Variants in DEPDC5 observed in about 807,000 individuals in gnomAD.
The protein encoded by DEPDC5 is DEP domain containing 5, GATOR1 subcomplex subunit, also known as GATOR1 complex protein DEPDC5.
In DEPDC5, 73 loss-of-function variants were observed where a neutral mutation model predicts 217.3. The observed-to-expected ratio is 0.34, with a 90% CI of 0.28 to 0.41. DEPDC5 has a LOEUF of 0.41. DEPDC5 is among the 10% of genes least tolerant of loss of function. The probability of loss-of-function intolerance (pLI) is 1.00; values close to 1 mark genes in which losing one functional copy is unlikely to be tolerated. For missense variants in DEPDC5, 1,675 were observed against 2,070.1 expected, an observed-to-expected ratio of 0.81 and a Z score of 3.70; for synonymous variants, 733 against 756.7, an observed-to-expected ratio of 0.97 and a Z score of 0.51.
chr22:31,755,116 A>G, intron 2 of DEPDC5, 137 bp downstream of exon 2: 2 of 907,734 alleles, frequency 2.2e-6, no homozygotes, highest in Non-Finnish European at 1.7e-6. Flanking sequence ...AGCAACTGTC[A>G]TACAGTAACA....
intron 39 of DEPDC5, among the ~76,000 whole-genome samples, chr22:31,896,591 C>T (rs1016982946): frequency 4.0e-5 from 6 of 151,850 alleles, no homozygotes; most frequent in Non-Finnish European, 8.8e-5. Context: ...AAAATTGCCA[C>T]TGTTCCCTAA....
intron 40 of DEPDC5, among the ~76,000 whole-genome samples, chr22:31,898,220 C>T (rs1460273771): frequency 2.0e-5 from 3 of 151,966 alleles, no homozygotes. Flanking sequence ...CAAATCAGAG[C>T]CTTTCCCTCT....
At chr22:31,831,146 T>C (rs562608307) in intron 24 of DEPDC5, 2 of 152,138 alleles carry the variant, frequency 1.3e-5, no homozygotes, top group South Asian at 2.1e-4. Flanking sequence ...CCCAGATGGA[T>C]AGTCAAGAAA....
chr22:31,797,144 C>T (rs1159311407), intron 12 of DEPDC5, among the ~76,000 whole-genome samples: 2 of 151,890 alleles, frequency 1.3e-5, no homozygotes, highest in South Asian at 2.1e-4. Flanking sequence ...ACTCCAATTA[C>T]ACTCTTTTTG....
chr22:31,822,731 TC>T lies in DEPDC5; in HGVS notation c.2046del (p.Leu683Ter). On this transcript the variant is annotated frameshift_variant, in exon 24 of 43. Transcript: ENST00000651528. LOFTEE classifies it high-confidence loss of function. Reference sequence around the variant, plus strand: ...CGCCAGCCTGGTGACGGCATGTCCTTCTTGAACTTCAGTGGAACAGAGGAGC... The same window carrying T: ...CGCCAGCCTGGTGACGGCATGTCCTTTTGAACTTCAGTGGAACAGAGGAGC... ...NSRQPGDGMS[F>X]LNFSGTEELS... 6.2e-7 allele frequency: 1 copy of T among 1,614,144 alleles called. No homozygotes were observed. The highest frequency in any genetic ancestry group is 8.5e-7 in the Non-Finnish European group (1 of 1,180,014).
chr22:31,817,376 C>T lies in DEPDC5; in HGVS notation c.1667-1646C>T, dbSNP rs9621343. The T allele has an allele frequency of 5.7e-3, 2,158 of 378,238 alleles. 47 individuals carry two copies. The highest frequency in any genetic ancestry group is 0.041 in the African/African-American group (1,919 of 47,020). 23.4% of individuals were successfully genotyped at this position (378,238 alleles called of 1,614,324 possible). A position where few individuals can be genotyped will look rare whatever the true frequency, so the allele number is the denominator to read the frequency against. On this transcript the variant is annotated intron_variant, in intron 21 of 42. Coordinates refer to ENST00000651528, the MANE Select transcript of DEPDC5 (RefSeq NM_001242896.3). ...CTGCCCACCTCAGCCTCCCAAAGTG[C>T]TGGGATTACGGGCGTGAGCCACCTT...
chr22:31,786,322 A>T (rs2084978317), intron 10 of DEPDC5, among the ~76,000 whole-genome samples: 1 of 149,554 alleles, frequency 6.7e-6, no homozygotes, highest in African/African-American at 2.5e-5. Flanking sequence ...TGGGAGGCGG[A>T]GGTGGGCAGA....
intron 2 of DEPDC5, 63 bp from the exon 3 acceptor site, chr22:31,758,483 A>G (rs1569506796): frequency 6.8e-7 from 1 of 1,460,368 alleles, no homozygotes; most frequent in Non-Finnish European, 9.6e-7. Context: ...AGGAACCAGT[A>G]TGAGAACATA....
At chr22:31,756,304 A>G (rs949987672) in intron 2 of DEPDC5, among the ~76,000 whole-genome samples, 2 of 152,212 alleles carry the variant, frequency 1.3e-5, no homozygotes, top group Admixed American at 1.3e-4. Flanking sequence ...GAGCATTGTG[A>G]GGCTTAAGTA....
chr22:31,874,251 C>A, intron 35 of DEPDC5, 22 bp from the exon 36 acceptor site: 1 of 1,599,944 alleles, frequency 6.3e-7, no homozygotes, highest in East Asian at 2.3e-5. Flanking sequence ...CCCTGCTCCC[C>A]GTTCACCGTG....
At position 31,906,224 on chromosome 22, in the gene DEPDC5, GC is replaced by G; in HGVS notation, c.4542del (p.Tyr1515ThrfsTer59). ...HVTGTVFLQL[P>X]YSKRKFSGQQ... The stretch of plus-strand genomic sequence containing the variant: ...CTTCAGGAACAGTGTTTCTGCAGCT[GC>G]CCTACTCCAAGCGCAAGTTCTCAGG... On this transcript the variant is annotated frameshift_variant, in exon 43 of 43. Transcript: ENST00000651528. LOFTEE classifies it high-confidence loss of function. This position sits in a 1 kb window ranked among gnomAD's most constrained non-coding sequence, Gnocchi z 5.1. The G allele has an allele frequency of 6.2e-7, 1 of 1,613,936 alleles. No homozygotes were observed. The highest frequency in any genetic ancestry group is 8.5e-7 in the Non-Finnish European group (1 of 1,179,950).
intron 33 of DEPDC5, among the ~76,000 whole-genome samples, chr22:31,868,135 AT>A (rs1166092733): frequency 2.6e-5 from 4 of 152,094 alleles, no homozygotes; most frequent in African/African-American, 9.7e-5. Flanking sequence ...CCTTTTTATT[AT>A]TATTGTTATT....
Position 31,843,693 on chromosome 22 carries a change from T to G in DEPDC5, c.2682T>G (p.Pro894=). 1 of 1,613,982 alleles carries G rather than the reference T, an allele frequency of 6.2e-7. No individual in the cohort carries two copies. Residue 894 remains proline, a synonymous_variant, in exon 29 of 43, where the codon CCT becomes CCG. Transcript: ENST00000651528. ...TCCACTACACCTACAGCCTCTGTCC[T>G]TCCCACTCAGACTCAGAGTTCGTCT... The part of the protein sequence containing the change: ...AQIHYTYSLC[P]SHSDSEFVSC...
chr22:31,823,091 G>A (rs900787314), intron 24 of DEPDC5: 17 of 323,264 alleles, frequency 5.3e-5, no homozygotes, highest in Non-Finnish European at 8.4e-5. Context: ...GAGCTGGAGT[G>A]GTCTGTGCTC....
chr22:31,897,348 C>A, intron 39 of DEPDC5, 134 bp from the exon 40 acceptor site: 1 of 1,196,806 alleles, frequency 8.4e-7, no homozygotes, highest in Non-Finnish European at 1.1e-6. Context: ...AATTTGCAGC[C>A]AGCAAACATG....
intron 24 of DEPDC5, among the ~76,000 whole-genome samples, chr22:31,823,464 C>T (rs1283060507): frequency 1.4e-5 from 2 of 139,602 alleles, no homozygotes; most frequent in African/African-American, 2.7e-5. Flanking sequence ...ACCTGGGAGG[C>T]GGAGGTTGCA....
chr22:31,846,906 C>G lies in DEPDC5; in HGVS notation c.3094C>G (p.Pro1032Ala), dbSNP rs770979723. ...STHSLESTAP[P>A]VGKKGTSALS... ...GCATTCTCTGGAGTCAACTGCACCC[C>G]CAGTGGGGAAGAAGGGAACCTCAGC... is the stretch of plus-strand genomic sequence containing the variant. The change falls in exon 31 of 43, where the codon CCA becomes GCA. Residue 1032 changes from proline to alanine, a missense_variant. Physicochemically the swap from Pro to Ala is conservative, Grantham distance 27 (BLOSUM62 -1). This residue lies in a region of DEPDC5 where 293 missense variants were observed against 386.1 expected (regional missense o/e 0.76). Transcript: ENST00000651528. The G allele has an allele frequency of 1.9e-6, 3 of 1,614,218 alleles. No individual in the cohort carries two copies. The highest frequency in any genetic ancestry group is 2.5e-6 in the Non-Finnish European group (3 of 1,180,038).
chr22:31,781,145 G>A (rs1300994350), intron 8 of DEPDC5, among the ~76,000 whole-genome samples: 4 of 151,762 alleles, frequency 2.6e-5, no homozygotes, highest in Admixed American at 1.3e-4. Context: ...GAACCCGGGA[G>A]GCAGAGGTTG....
chr22:31,836,869 G>C (rs1294666510), intron 25 of DEPDC5, 103 bp from the exon 26 acceptor site: 2 of 1,131,652 alleles, frequency 1.8e-6, no homozygotes, highest in Admixed American at 2.2e-5. Flanking sequence ...CTTTCACCCT[G>C]AACTTTTTTC....
Sources: gnomAD v4.1 joint callset for allele counts (sites outside exome capture counted in the v4.1 genomes callset) on GRCh38, gnomAD v4.1.1 for gene constraint, gnomAD v4.1.1 regional missense constraint, Gnocchi (gnomAD v3.1) non-coding constraint, MANE v1.5 for transcripts, NCBI Gene and HGNC (gene_info 2026-07-23, HGNC 2026-07-21) for gene names.